Variants in NRXN3 observed in about 807,000 individuals in gnomAD.
The protein encoded by NRXN3 is neurexin 3.
Under a neutral mutation model 137.6 loss-of-function variants are expected in NRXN3, and 32 were observed. That is an observed-to-expected ratio of 0.23 (90% CI 0.18 to 0.31). The LOEUF is 0.31. Ranked by LOEUF, NRXN3 falls within the 10% of genes least tolerant of loss-of-function variation. NRXN3 has a pLI of 1.00. For synonymous variants in NRXN3, 798 were observed against 784.5 expected, an observed-to-expected ratio of 1.02 and a Z score of -0.29; for missense variants, 1,574 against 2,062.5, an observed-to-expected ratio of 0.76 and a Z score of 4.59.
intron 4 of NRXN3, among the ~76,000 whole-genome samples, chr14:78,593,166 CTGTGTTTG>C (rs2097131363): frequency 6.6e-6 from 1 of 152,196 alleles, no homozygotes; most frequent in East Asian, 1.9e-4. Flanking sequence ...TGCTGGATAG[CTGTGTTTG>C]TGTAAAATAT....
chr14:79,466,365 A>T (rs895269862), intron 15 of NRXN3, among the ~76,000 whole-genome samples: 2 of 152,186 alleles, frequency 1.3e-5, no homozygotes, highest in Non-Finnish European at 2.9e-5. Flanking sequence ...AGGCAGTCAG[A>T]TCACAAGGTC....
intron 6 of NRXN3, among the ~76,000 whole-genome samples, chr14:78,705,926 A>G (rs1291765497): frequency 6.6e-6 from 1 of 152,164 alleles, no homozygotes; most frequent in African/African-American, 2.4e-5. Context: ...TCTCTTACCT[A>G]TGTCTTCAGA....
chr14:79,273,116 G>A (rs1173076178), intron 15 of NRXN3, among the ~76,000 whole-genome samples: 2 of 140,374 alleles, frequency 1.4e-5, no homozygotes, highest in African/African-American at 5.3e-5. Flanking sequence ...AGATTGCAGT[G>A]AGCAGAGATC....
At chr14:79,466,496 G>C (rs1319005640) in intron 15 of NRXN3, among the ~76,000 whole-genome samples, 1 of 152,134 alleles carries the variant, frequency 6.6e-6, no homozygotes, top group African/African-American at 2.4e-5. Flanking sequence ...GCTAAGGCAG[G>C]AGAATTGCTT....
chr14:78,916,239 T>C (rs1470261932), intron 10 of NRXN3, among the ~76,000 whole-genome samples: 5 of 152,158 alleles, frequency 3.3e-5, no homozygotes, highest in Non-Finnish European at 7.4e-5. Flanking sequence ...AAACATATGG[T>C]CAACCTAATG....
chr14:78,773,257 G>T (rs2098734155), intron 8 of NRXN3, among the ~76,000 whole-genome samples: 1 of 152,158 alleles, frequency 6.6e-6, no homozygotes, highest in South Asian at 2.1e-4. Flanking sequence ...AACCCTCTGA[G>T]TTTTTCCCCT....
At position 78,242,894 on chromosome 14, in the gene NRXN3, T is replaced by C; in HGVS notation, c.-200T>C. On this transcript the variant is annotated 5_prime_UTR_variant, in exon 2 of 21. Coordinates refer to ENST00000335750, the MANE Select transcript of NRXN3 (RefSeq NM_001330195.2). ...GCCTCTTTATTCAATTTCTTGCTTGTGTGCCCCTCTGGGACTCTCTTGTAC... is the reference window on the plus strand; with the variant it reads ...GCCTCTTTATTCAATTTCTTGCTTGCGTGCCCCTCTGGGACTCTCTTGTAC... The C allele has an allele frequency of 2.1e-6, 1 of 486,412 alleles. No individual in the cohort carries two copies. The highest frequency in any genetic ancestry group is 3.6e-6 in the Non-Finnish European group (1 of 278,928). The allele number at this position is 486,412 out of a possible 1,614,324, so 30.1% of individuals were successfully genotyped here.
At chr14:79,257,393 G>A (rs1301139418) in intron 15 of NRXN3, among the ~76,000 whole-genome samples, 1 of 101,034 alleles carries the variant, frequency 9.9e-6, no homozygotes, top group Non-Finnish European at 2.1e-5. Context: ...TGGTGATGGT[G>A]GTGGTGGTGG....
chr14:79,647,085 C>T (rs933397013), intron 16 of NRXN3, among the ~76,000 whole-genome samples: 2 of 135,864 alleles, frequency 1.5e-5, no homozygotes, highest in Non-Finnish European at 3.4e-5. Context: ...TCATCTATGT[C>T]TATTTCTCAA....
chr14:78,254,503 A>G (rs1308281506), intron 2 of NRXN3, among the ~76,000 whole-genome samples: 1 of 152,056 alleles, frequency 6.6e-6, no homozygotes, highest in African/African-American at 2.4e-5. Flanking sequence ...ACATGGTGAA[A>G]CCCCATCTCT....
intron 7 of NRXN3, among the ~76,000 whole-genome samples, chr14:78,713,013 C>G (rs1023524060): frequency 6.6e-6 from 1 of 152,138 alleles, no homozygotes; most frequent in Non-Finnish European, 1.5e-5. Flanking sequence ...ATCTTGATAC[C>G]AATAAAGCAC....
rs1291402482 is a variant in NRXN3, at chr14:79,811,562, C to CTTTTCTT, written c.4093+6391_4093+6397dup. ...TTAACCCACCAAGTTATTTCACTTT[C>CTTTTCTT]TTTTCTTTTTTCTTTTTTCTTTTTT... On this transcript the variant is annotated intron_variant, in intron 20 of 20. Coordinates refer to ENST00000335750, the MANE Select transcript of NRXN3 (RefSeq NM_001330195.2). Among the ~76,000 whole-genome samples, 24 of 143,666 alleles carry CTTTTCTT rather than the reference C, an allele frequency of 1.7e-4. No individual in the cohort carries two copies. In the East Asian group the frequency reaches 4.3e-3, roughly 26 times the overall value. 94.3% of individuals were successfully genotyped at this position (143,666 alleles called of 152,430 possible).
intron 1 of NRXN3, among the ~76,000 whole-genome samples, chr14:78,176,867 G>A (rs2059321208): frequency 6.6e-6 from 1 of 151,984 alleles, no homozygotes; most frequent in African/African-American, 2.4e-5. Context: ...GGGCAGGTGG[G>A]TGGTAGGTGT....
chr14:78,313,690 A>C (rs1256104654), intron 4 of NRXN3, among the ~76,000 whole-genome samples: 1 of 152,122 alleles, frequency 6.6e-6, no homozygotes, highest in African/African-American at 2.4e-5. Context: ...CATCATTTCA[A>C]TTAATTTCAC....
At chr14:78,609,287 C>G (rs1601302862) in intron 4 of NRXN3, among the ~76,000 whole-genome samples, 1 of 150,392 alleles carries the variant, frequency 6.6e-6, no homozygotes, top group East Asian at 1.9e-4. Flanking sequence ...GAGATAACCT[C>G]CATGAAAAAA....
chr14:78,300,624 C>T (rs756369577), intron 4 of NRXN3: 21 of 1,396,936 alleles, frequency 1.5e-5, no homozygotes, highest in East Asian at 2.5e-5. Flanking sequence ...TCTCTCTGGC[C>T]GCCTCCATGG....
At chr14:79,028,688 T>C (rs1052056543) in intron 15 of NRXN3, among the ~76,000 whole-genome samples, 1 of 151,976 alleles carries the variant, frequency 6.6e-6, no homozygotes, top group Non-Finnish European at 1.5e-5. Flanking sequence ...GTTTCTACAG[T>C]GGAGGAGAGT....
chr14:78,963,535 T>C (rs1201250021), intron 11 of NRXN3, among the ~76,000 whole-genome samples: 1 of 152,220 alleles, frequency 6.6e-6, no homozygotes, highest in Non-Finnish European at 1.5e-5. Flanking sequence ...TCAGTCACTT[T>C]ATTAATTTAG....
At chr14:79,758,189 A>G (rs8022353) in intron 19 of NRXN3, among the ~76,000 whole-genome samples, 80,846 of 151,960 alleles carry the variant, frequency 0.53, 22,041 homozygotes, top group Middle Eastern at 0.65. Flanking sequence ...TTCCCTTTAT[A>G]TGTATTTTTG....
Sources: allele counts gnomAD v4.1 joint callset (sites outside exome capture counted in the v4.1 genomes callset), GRCh38; gene constraint gnomAD v4.1.1; transcripts MANE v1.5; gene names NCBI Gene and HGNC (gene_info 2026-07-23, HGNC 2026-07-21).